DOCK7: variants seen among roughly 807,000 people sequenced by gnomAD.
DOCK7 encodes the protein dedicator of cytokinesis protein 7.
DOCK7 carries 138 observed loss-of-function variants against 271.0 expected under a neutral mutation model. The observed-to-expected ratio is 0.51, with a 90% confidence interval of 0.44 to 0.59. DOCK7 has a LOEUF of 0.59. Among genes scored for constraint, DOCK7 ranks in the 20% least tolerant of loss-of-function variants. The probability of loss-of-function intolerance (pLI) is 0.00; values close to 1 mark genes in which losing one functional copy is unlikely to be tolerated. For synonymous variants in DOCK7, 823 were observed against 876.1 expected, an observed-to-expected ratio of 0.94 and a Z score of 1.07; for missense variants, 2,066 against 2,592.4, an observed-to-expected ratio of 0.80 and a Z score of 4.41.
intron 14 of DOCK7, among the ~76,000 whole-genome samples, chr1:62,595,456 G>A (rs1649091036): frequency 6.6e-6 from 1 of 152,166 alleles, no homozygotes; most frequent in African/African-American, 2.4e-5. Context: ...TTGACCAAAG[G>A]TCACAAAGCT....
At chr1:62,649,910 C>T (rs928123792) in intron 4 of DOCK7, among the ~76,000 whole-genome samples, 1 of 152,118 alleles carries the variant, frequency 6.6e-6, no homozygotes, top group African/African-American at 2.4e-5. Context: ...TCCTTCAGGT[C>T]TCTGCTCAAA....
At chr1:62,471,990 G>T (rs1308420002) in intron 48 of DOCK7, among the ~76,000 whole-genome samples, 1 of 151,980 alleles carries the variant, frequency 6.6e-6, no homozygotes, top group Non-Finnish European at 1.5e-5. Context: ...ATACTATTTA[G>T]TTACCATACT....
intron 22 of DOCK7, 99 bp downstream of exon 22, chr1:62,552,633 A>T: frequency 8.4e-7 from 1 of 1,189,502 alleles, no homozygotes; most frequent in Non-Finnish European, 1.2e-6. Flanking sequence ...TTCCTAACTT[A>T]CATACATCTC....
In DOCK7 at chr1:62,510,609, A is replaced by T. The variant is rs1644455550; in HGVS notation, c.4347T>A (p.Thr1449=). ...QENLRWRKDM[T]HWRQNTEKLD... ...GCTTCTCTGTGTTTTGACGCCAGTG[A>T]GTCATATCTTTCCTCCACCTCAAAT... The change falls in exon 34 of 50, where the codon ACT becomes ACA. Residue 1449 remains threonine (T), a synonymous_variant. Coordinates refer to ENST00000635253, the MANE Select transcript of DOCK7 (RefSeq NM_001367561.1). 1.2e-6 allele frequency: 2 copies of T among 1,613,428 alleles called. No individual in the cohort carries two copies. Among genetic ancestry groups the T allele is most frequent in the Non-Finnish European group, 1.7e-6 (2 of 1,179,616 alleles).
At chr1:62,456,744 G>A (rs1645359433) in intron 49 of DOCK7, among the ~76,000 whole-genome samples, 1 of 152,070 alleles carries the variant, frequency 6.6e-6, no homozygotes, top group African/African-American at 2.4e-5. Flanking sequence ...CTATCTCAGG[G>A]ACCCAGCACC....
At chr1:62,591,833 T>A (rs1353831095) in intron 14 of DOCK7, among the ~76,000 whole-genome samples, 2 of 152,196 alleles carry the variant, frequency 1.3e-5, no homozygotes, top group East Asian at 3.9e-4. Flanking sequence ...TCTTGTTCAT[T>A]TATGTATTAC....
intron 43 of DOCK7, chr1:62,478,928 A>G (rs1646040375): frequency 6.6e-6 from 1 of 152,106 alleles, no homozygotes; most frequent in African/African-American, 2.4e-5. Flanking sequence ...CAGAAGACAA[A>G]TTCTTTCAAT....
chr1:62,505,245 A>T (rs563739905), intron 36 of DOCK7, among the ~76,000 whole-genome samples: 1 of 152,348 alleles, frequency 6.6e-6, no homozygotes, highest in African/African-American at 2.4e-5. Flanking sequence ...ATAAGAAGTA[A>T]ACATTTAAAG....
Position 62,636,597 on chromosome 1 carries a change from T to C in DOCK7, c.825A>G (p.Glu275=). ...LLVKCLSLKF[E]IEIEPIFASL... ...TTGCAAAAATGGGTTCAATTTCAAT[T>C]TCAAACCTTTATGAAGAAAAAGGAT... Residue 275 remains glutamate, a synonymous_variant, in exon 8 of 50, where the codon GAA becomes GAG. Transcript: ENST00000635253. The C allele has an allele frequency of 1.9e-6, 3 of 1,597,108 alleles. No individual in the cohort carries two copies. The South Asian group carries it at 3.4e-5, about 18-fold the overall frequency.
rs1401383472 is a variant in DOCK7, at chr1:62,494,404, G to C, written c.5088C>G (p.Gly1696=). ...CATGATTGCTTCGTTCTGAGTGCTT[G>C]CCTGCCATGTTCTGCAACCAGGTCA... ...LRLTWLQNMA[G]KHSERSNHAE... The change falls in exon 40 of 50, where the codon GGC becomes GGG. Residue 1696 remains glycine, a synonymous_variant. Coordinates refer to ENST00000635253, the MANE Select transcript of DOCK7 (RefSeq NM_001367561.1). 1 of 1,612,932 alleles carries C rather than the reference G, an allele frequency of 6.2e-7. No individual in the cohort carries two copies. Among genetic ancestry groups the C allele is most frequent in the East Asian group, 2.2e-5 (1 of 44,862 alleles).
chr1:62,466,737 G>C lies in DOCK7; in HGVS notation c.6212+7245C>G, dbSNP rs572564448. ...ATCTGAGGTCAGGAGTTTGAGACAA[G>C]CCTGACCAACATGGCAAGACCCCAT... On this transcript the variant is annotated intron_variant, in intron 48 of 49. Coordinates refer to ENST00000635253, the MANE Select transcript of DOCK7 (RefSeq NM_001367561.1). Among the ~76,000 whole-genome samples the C allele has an allele frequency of 2.1e-3, 319 of 152,180 alleles. 2 individuals are homozygous for C. Among genetic ancestry groups the C allele is most frequent in the African/African-American group, 7.3e-3 (304 of 41,542 alleles).
At position 62,496,507 on chromosome 1, in the gene DOCK7, A is replaced by T. The variant is rs1256834920; in HGVS notation, c.4765-10T>A. The T allele has an allele frequency of 1.9e-6, 3 of 1,609,248 alleles. No individual in the cohort carries two copies. The highest frequency in any genetic ancestry group is 2.5e-6 in the Non-Finnish European group (3 of 1,178,418). ...TAACCCTGGCAAAGTTCTGTAACAG[A>T]GAAATTGTCCAGTCAATACTTAATA... On this transcript the variant is annotated splice_polypyrimidine_tract_variant and intron_variant, in intron 37 of 49. Transcript: ENST00000635253.
At chr1:62,486,589 T>C (rs1374221447) in intron 43 of DOCK7, 1 of 152,120 alleles carries the variant, frequency 6.6e-6, no homozygotes, top group South Asian at 2.1e-4. Context: ...TCGGGTAAGA[T>C]TGTATTTACA....
rs185687846 is a variant in DOCK7 at position 62,523,052 on chromosome 1, G to T, written c.3936+5099C>A. Among the ~76,000 whole-genome samples the T allele has an allele frequency of 1.3e-4, 20 of 152,156 alleles. No homozygotes were observed. The East Asian group carries it at 3.9e-3, about 29-fold the overall frequency. ...GTTTATGTACTGAAAGACACTAAAG[G>T]CAGCCTAAACAATGGGGGGATTTGT... On this transcript the variant is annotated intron_variant, in intron 31 of 49. Transcript: ENST00000635253.
intron 18 of DOCK7, among the ~76,000 whole-genome samples, chr1:62,571,706 G>A (rs1482719363): frequency 6.6e-6 from 1 of 152,102 alleles, no homozygotes; most frequent in Non-Finnish European, 1.5e-5. Flanking sequence ...TATACACCGT[G>A]GAATACTACG....
At chr1:62,465,546 T>TTTG (rs762502818) in intron 48 of DOCK7, among the ~76,000 whole-genome samples, 1 of 152,090 alleles carries the variant, frequency 6.6e-6, no homozygotes, top group Non-Finnish European at 1.5e-5. Context: ...AAATACTGTT[T>TTTG]TTGTTGTTGT....
intron 1 of DOCK7, among the ~76,000 whole-genome samples, chr1:62,678,359 A>G (rs1366224419): frequency 6.6e-6 from 1 of 152,234 alleles, no homozygotes; most frequent in Non-Finnish European, 1.5e-5. Flanking sequence ...GGAATTCACA[A>G]GTACATTCAG....
chr1:62,518,748 C>T (rs531678615), intron 31 of DOCK7, among the ~76,000 whole-genome samples: 2 of 150,196 alleles, frequency 1.3e-5, no homozygotes, highest in East Asian at 3.9e-4. Context: ...TCAACAACAG[C>T]AACAACAACA....
intron 31 of DOCK7, among the ~76,000 whole-genome samples, chr1:62,520,442 T>C (rs1400360784): frequency 1.3e-5 from 2 of 149,692 alleles, no homozygotes; most frequent in Non-Finnish European, 3.0e-5. Context: ...GCAAAGGATA[T>C]GAACAGACAC....
Sources: allele counts gnomAD v4.1 joint callset (sites outside exome capture counted in the v4.1 genomes callset), GRCh38; gene constraint gnomAD v4.1.1; transcripts MANE v1.5; gene names NCBI Gene and HGNC (gene_info 2026-07-23, HGNC 2026-07-21).